DCAF8L2: variants seen among roughly 807,000 people sequenced by gnomAD.
The protein encoded by DCAF8L2 is DDB1 and CUL4 associated factor 8 like 2.
For synonymous variants in DCAF8L2, 200 were observed against 190.9 expected (o/e 1.05, Z -0.39); for missense variants, 430 against 490.7 (o/e 0.88, Z 1.17).
upstream of DCAF8L2, among the ~76,000 whole-genome samples, chrX:27,586,406 T>C (rs1925904081): frequency 9.0e-6 from 1 of 111,382 alleles, no homozygotes; most frequent in Non-Finnish European, 1.9e-5. Flanking sequence ...AGTATTAAGT[T>C]GATGCGAATG....
intron 4 of DCAF8L2, among the ~76,000 whole-genome samples, chrX:27,727,331 G>T (rs1371885040): frequency 9.0e-6 from 1 of 111,401 alleles, no homozygotes; most frequent in Admixed American, 9.6e-5. Context: ...TTGATGAACA[G>T]AAGTTCCTCC....
At chrX:27,630,913 A>AT (rs1928260621) in intron 1 of DCAF8L2, among the ~76,000 whole-genome samples, 1 of 111,498 alleles carries the variant, frequency 9.0e-6, no homozygotes, top group East Asian at 2.9e-4. Flanking sequence ...TGTCTCTTTT[A>AT]TAAGGGCACT....
the DCAF8L2 span, among the ~76,000 whole-genome samples, chrX:27,532,402 C>G: frequency 3.4e-4 from 38 of 111,258 alleles, no homozygotes; most frequent in African/African-American, 1.2e-3. Flanking sequence ...TTTGAGAAGC[C>G]AAATAAATGG....
At chrX:27,568,946 A>AAC in the DCAF8L2 span, among the ~76,000 whole-genome samples, 1,977 of 86,491 alleles carry the variant, frequency 0.023, 26 homozygotes, top group Middle Eastern at 0.038. Context: ...TTGGAACTCA[A>AAC]ACACACACAC....
chrX:27,628,964 A>T lies in DCAF8L2; in HGVS notation c.-341-2915A>T, dbSNP rs146442201. On this transcript the variant is annotated intron_variant, in intron 1 of 4. Coordinates refer to ENST00000451261, the MANE Select transcript of DCAF8L2 (RefSeq NM_001353450.2). ...AGCTTTGATTTGCATTTCCCTAATG[A>T]TTAATGATGTTGATTACCTTCTCAT... Among the ~76,000 whole-genome samples, 1,060 of 111,476 alleles carry T rather than the reference A, an allele frequency of 9.5e-3. 7 individuals are homozygous for T. Among genetic ancestry groups the T allele is most frequent in the African/African-American group, 0.033 (1,008 of 30,648 alleles).
the DCAF8L2 span, among the ~76,000 whole-genome samples, chrX:27,505,272 A>G: frequency 1.8e-5 from 2 of 111,317 alleles, no homozygotes; most frequent in African/African-American, 6.5e-5. Context: ...TGTATGACTT[A>G]AAAGCTTTTG....
In DCAF8L2 at chrX:27,726,415, G is replaced by A. The variant is rs1230762278; in HGVS notation, c.-59+10244G>A. On this transcript the variant is annotated intron_variant, in intron 4 of 4. Coordinates refer to ENST00000451261, the MANE Select transcript of DCAF8L2 (RefSeq NM_001353450.2). ...TCATTTATTTTTAGGAACACATTAA[G>A]GTAGGTACAACAATTTTATAAGCTT... Among the ~76,000 whole-genome samples, 4 of 111,168 alleles carry A rather than the reference G, an allele frequency of 3.6e-5. No homozygotes were observed. The Admixed American group carries it at 3.8e-4, about 11-fold the overall frequency.
At chrX:27,587,748 C>T (rs1355752889), upstream of DCAF8L2, among the ~76,000 whole-genome samples, 1 of 110,075 alleles carries the variant, frequency 9.1e-6, no homozygotes, top group African/African-American at 3.3e-5. Context: ...TCACTGTGGT[C>T]AAAATCACAG....
intron 2 of DCAF8L2, among the ~76,000 whole-genome samples, chrX:27,663,176 T>C (rs775946125): frequency 1.8e-5 from 2 of 111,775 alleles, no homozygotes; most frequent in African/African-American, 3.2e-5. Context: ...TGGTATCCCA[T>C]AGAGTGAAAG....
chrX:27,747,341 C>T lies in DCAF8L2; in HGVS notation c.446C>T (p.Pro149Leu). 1 of 1,154,957 alleles carries T rather than the reference C, an allele frequency of 8.7e-7. No homozygotes were observed. The highest frequency in any genetic ancestry group is 1.2e-6 in the Non-Finnish European group (1 of 869,247). The change falls in exon 5 of 5, where the codon CCT (proline) becomes CTT (leucine). Residue 149 changes from proline to leucine, a missense_variant. Pro to Leu is a moderately conservative substitution (Grantham distance 98). Coordinates refer to ENST00000451261, the MANE Select transcript of DCAF8L2 (RefSeq NM_001353450.2). ...GAGGAGGAGGAGGAAGAAGAACAGCCTCGGGCGGGTCCACAAGGCAGTGGC... is the reference window on the plus strand; with the variant it reads ...GAGGAGGAGGAGGAAGAAGAACAGCTTCGGGCGGGTCCACAAGGCAGTGGC... The part of the protein sequence containing the change: ...EEEEEEEEEQ[P>L]RAGPQGSGGN...
intron 1 of DCAF8L2, among the ~76,000 whole-genome samples, chrX:27,617,347 G>A (rs760376481): frequency 9.0e-6 from 1 of 110,697 alleles, no homozygotes; most frequent in Non-Finnish European, 1.9e-5. Context: ...AGAGCTGAGG[G>A]AAATGTATGT....
intron 1 of DCAF8L2, among the ~76,000 whole-genome samples, chrX:27,618,274 CAGTT>C (rs1222221722): frequency 9.0e-6 from 1 of 110,994 alleles, no homozygotes; most frequent in African/African-American, 3.3e-5. Flanking sequence ...AGAAAGCAGG[CAGTT>C]AGAAATAATT....
chrX:27,547,235 C>T, the DCAF8L2 span, among the ~76,000 whole-genome samples: 1 of 111,865 alleles, frequency 8.9e-6, no homozygotes, highest in East Asian at 2.8e-4. Context: ...ACTTCATTGT[C>T]CATAACACTA....
intron 3 of DCAF8L2, among the ~76,000 whole-genome samples, chrX:27,707,562 G>A (rs988423279): frequency 1.1e-4 from 12 of 111,758 alleles, no homozygotes; most frequent in African/African-American, 3.6e-4. Context: ...GTAATTTGAA[G>A]CTAAATTATA....
At chrX:27,543,597 G>T in the DCAF8L2 span, among the ~76,000 whole-genome samples, 2 of 111,563 alleles carry the variant, frequency 1.8e-5, no homozygotes, top group Non-Finnish European at 3.8e-5. Context: ...CTTTGGAATG[G>T]GGGTCTTACA....
chrX:27,544,041 T>A, the DCAF8L2 span, among the ~76,000 whole-genome samples: 1 of 111,900 alleles, frequency 8.9e-6, no homozygotes, highest in Admixed American at 9.5e-5. Context: ...CCCCCTTTTT[T>A]ACTGATCTAT....
chrX:27,531,703 A>G, the DCAF8L2 span, among the ~76,000 whole-genome samples: 2 of 111,681 alleles, frequency 1.8e-5, no homozygotes, highest in Non-Finnish European at 3.8e-5. Flanking sequence ...AGGATAAACA[A>G]TCCAGTATTT....
rs201564902 is a variant in DCAF8L2 at position 27,591,014 on chromosome X, T to TATATATATATATATAA, written c.-342+575_-342+576insTATATATATATATAAA. ...TTTTATATATATATATATATATATA[T>TATATATATATATATAA]AAATAAATAATTTGATAGGTTACAT... On this transcript the variant is annotated intron_variant, in intron 1 of 4. Transcript: ENST00000451261. Among the ~76,000 whole-genome samples the TATATATATATATATAA allele has an allele frequency of 3.1e-4, 30 of 96,778 alleles. 1 individual carries two copies. The East Asian group carries it at 5.6e-3, about 18-fold the overall frequency. 84.0% of individuals were successfully genotyped at this position (96,778 alleles called of 115,157 possible). A position where few individuals can be genotyped will look rare whatever the true frequency, so the allele number is the denominator to read the frequency against.
At chrX:27,678,227 T>C (rs1569180001) in intron 3 of DCAF8L2, among the ~76,000 whole-genome samples, 1 of 111,727 alleles carries the variant, frequency 9.0e-6, no homozygotes, top group African/African-American at 3.2e-5. Context: ...CTATGTCACA[T>C]TCAAATATAA....
Sources: allele counts gnomAD v4.1 joint callset (sites outside exome capture counted in the v4.1 genomes callset), GRCh38; gene constraint gnomAD v4.1.1; transcripts MANE v1.5; gene names NCBI Gene and HGNC (gene_info 2026-07-23, HGNC 2026-07-21).